CDK19: variants seen among roughly 807,000 people sequenced by gnomAD.
The protein encoded by CDK19 is cyclin dependent kinase 19, also known as cyclin-dependent kinase 19.
CDK19 carries 20 observed loss-of-function variants against 68.3 expected under a neutral mutation model. The observed-to-expected ratio is 0.29, with a 90% confidence interval of 0.21 to 0.43. The LOEUF (loss-of-function observed/expected upper bound fraction) is 0.43. Among genes scored for constraint, CDK19 ranks in the 20% least tolerant of loss-of-function variants. The pLI is 1.00. For synonymous variants in CDK19, 221 were observed against 222.8 expected (o/e 0.99, Z 0.07); for missense variants, 339 against 623.5 (o/e 0.54, Z 4.86).
At chr6:110,646,601 G>T in intron 4 of CDK19, 1 of 664,582 alleles carries the variant, frequency 1.5e-6, no homozygotes, top group East Asian at 3.2e-5. Flanking sequence ...ACGGCGGAGG[G>T]GGCGGGGAGG....
At position 110,622,932 on chromosome 6, in the gene CDK19, A is replaced by G; in HGVS notation, c.934-20T>C. On this transcript the variant is annotated intron_variant, in intron 9 of 12. Transcript: ENST00000368911. ...CTGAAGCTAGAGTGACACACAGGAA[A>G]TGTACAGCACATGAAAAGGTTATTT... is the stretch of plus-strand genomic sequence containing the variant. 7.1e-7 allele frequency: 1 copy of G among 1,416,282 alleles called. No homozygotes were observed. Among genetic ancestry groups the G allele is most frequent in the Non-Finnish European group, 1.0e-6 (1 of 999,222 alleles). 87.7% of individuals were successfully genotyped at this position (1,416,282 alleles called of 1,614,324 possible). A position where few individuals can be genotyped will look rare whatever the true frequency, so the allele number is the denominator to read the frequency against.
intron 2 of CDK19, among the ~76,000 whole-genome samples, chr6:110,719,465 A>C (rs1775656073): frequency 1.3e-5 from 2 of 152,320 alleles, no homozygotes; most frequent in African/African-American, 2.4e-5. Flanking sequence ...TGGAAGCTGC[A>C]GTAAGCCATG....
rs76075625 is a variant in CDK19, at chr6:110,785,968, G to A, written c.128+29041C>T. 0.025 allele frequency among the ~76,000 whole-genome samples: 3,633 copies of A among 147,646 alleles called. 366 individuals are homozygous for A. In the East Asian group the frequency reaches 0.36, roughly 15 times the overall value. ...GCACCCCACCCTGGGCAACAAGAGC[G>A]AAACTCCATCTCAAAAAAAAAAAAA... is the stretch of plus-strand genomic sequence containing the variant. On this transcript the variant is annotated intron_variant, in intron 1 of 12. Coordinates refer to ENST00000368911, the MANE Select transcript of CDK19 (RefSeq NM_015076.5).
chr6:110,795,745 A>G (rs1583120861), intron 1 of CDK19, among the ~76,000 whole-genome samples: 1 of 152,220 alleles, frequency 6.6e-6, no homozygotes, highest in East Asian at 1.9e-4. Context: ...TTATCAAAAT[A>G]TTAGGAAAAA....
rs186370926 is a variant in CDK19, at chr6:110,804,825, G to A, written c.128+10184C>T. 2.9e-3 allele frequency among the ~76,000 whole-genome samples: 445 copies of A among 151,568 alleles called. 2 individuals carry two copies. The highest frequency in any genetic ancestry group is 9.8e-3 in the African/African-American group (406 of 41,448). On this transcript the variant is annotated intron_variant, in intron 1 of 12. Transcript: ENST00000368911. ...AAAAAAATTAGCCGGGCGTGGTGGC[G>A]AGCGTCTGTAGTCCCAGCCACTCGG...
intron 1 of CDK19, among the ~76,000 whole-genome samples, chr6:110,797,200 C>T (rs1781997010): frequency 6.6e-6 from 1 of 151,820 alleles, no homozygotes; most frequent in Non-Finnish European, 1.5e-5. Context: ...ATTAGCCAGG[C>T]ACGGTGGCAG....
intron 4 of CDK19, chr6:110,646,345 T>TC: frequency 6.8e-7 from 1 of 1,465,666 alleles, no homozygotes; most frequent in East Asian, 2.5e-5. Context: ...GGCATGCACT[T>TC]CGAGTGCCTC....
Position 110,641,790 on chromosome 6 carries a change from G to T in CDK19, c.457-3084C>A, listed in dbSNP as rs549531812. ...TGAACATCAGAATAGTCTTTAGGAA[G>T]ATGACTCTGGATGACTTTAAGTGAG... On this transcript the variant is annotated intron_variant, in intron 4 of 12. Transcript: ENST00000368911. Among the ~76,000 whole-genome samples, 4 of 152,214 alleles carry T rather than the reference G, an allele frequency of 2.6e-5. No individual in the cohort carries two copies. In the South Asian group the frequency reaches 8.3e-4, roughly 32 times the overall value.
chr6:110,659,524 C>T (rs1300452442), intron 4 of CDK19, among the ~76,000 whole-genome samples: 5 of 152,168 alleles, frequency 3.3e-5, no homozygotes, highest in Non-Finnish European at 5.9e-5. Flanking sequence ...AATTTTTCTT[C>T]GCATTTTTGC....
At chr6:110,799,472 C>T (rs1782195595) in intron 1 of CDK19, among the ~76,000 whole-genome samples, 1 of 152,128 alleles carries the variant, frequency 6.6e-6, no homozygotes, top group Admixed American at 6.6e-5. Context: ...TTGCATATAA[C>T]CTATATGTAT....
At chr6:110,627,831 G>A (rs928229522) in intron 6 of CDK19, among the ~76,000 whole-genome samples, 2 of 152,142 alleles carry the variant, frequency 1.3e-5, no homozygotes, top group Non-Finnish European at 2.9e-5. Context: ...ACATGGTGAC[G>A]TAATTCTTTT....
At chr6:110,729,697 A>T (rs536411959) in intron 2 of CDK19, among the ~76,000 whole-genome samples, 16 of 150,860 alleles carry the variant, frequency 1.1e-4, no homozygotes, top group African/African-American at 3.9e-4. Context: ...CTGCCTCCCA[A>T]AGTGCTGGGA....
intron 2 of CDK19, among the ~76,000 whole-genome samples, chr6:110,723,151 CAAAA>C (rs34599467): frequency 7.6e-6 from 1 of 132,238 alleles, no homozygotes; most frequent in Admixed American, 8.0e-5. Flanking sequence ...AAACAAAAAA[CAAAA>C]AAAAAAACGC....
intron 1 of CDK19, among the ~76,000 whole-genome samples, chr6:110,760,333 T>A (rs1405471529): frequency 1.4e-5 from 2 of 144,126 alleles, no homozygotes; most frequent in Non-Finnish European, 1.5e-5. Context: ...AGAGGTGGAG[T>A]TTGCAGAGAG....
intron 2 of CDK19, among the ~76,000 whole-genome samples, chr6:110,703,876 T>C (rs1465664900): frequency 1.3e-5 from 2 of 152,150 alleles, no homozygotes; most frequent in Non-Finnish European, 2.9e-5. Flanking sequence ...TATATACATA[T>C]ATTTAGAATA....
intron 5 of CDK19, among the ~76,000 whole-genome samples, chr6:110,637,603 A>G (rs1200198162): frequency 1.3e-5 from 2 of 152,254 alleles, no homozygotes; most frequent in East Asian, 3.8e-4. Flanking sequence ...ATATTCTAAT[A>G]GCAAAGAAAC....
intron 4 of CDK19, among the ~76,000 whole-genome samples, chr6:110,656,724 T>G (rs1781328869): frequency 6.6e-6 from 1 of 152,226 alleles, no homozygotes; most frequent in Non-Finnish European, 1.5e-5. Context: ...GAGTAGTTAC[T>G]GGCCTGGACA....
At chr6:110,769,583 T>C (rs1053867168) in intron 1 of CDK19, among the ~76,000 whole-genome samples, 6 of 145,114 alleles carry the variant, frequency 4.1e-5, no homozygotes, top group Admixed American at 4.1e-4. Context: ...AAAAAAATAA[T>C]AATAATAATA....
rs573784640 is a variant in CDK19, at chr6:110,766,318, T to C, written c.129-20117A>G. 3.3e-5 allele frequency among the ~76,000 whole-genome samples: 5 copies of C among 152,314 alleles called. No individual in the cohort carries two copies. In the East Asian group the frequency reaches 9.6e-4, roughly 29 times the overall value. On this transcript the variant is annotated intron_variant, in intron 1 of 12. Coordinates refer to ENST00000368911, the MANE Select transcript of CDK19 (RefSeq NM_015076.5). ...GGCCAGGCATGGTGGCTCACACCTG[T>C]AATCCCAGCACTTTGGGAGGCCAAG...
Sources: gnomAD v4.1 joint callset for allele counts (sites outside exome capture counted in the v4.1 genomes callset) on GRCh38, gnomAD v4.1.1 for gene constraint, MANE v1.5 for transcripts, NCBI Gene and HGNC (gene_info 2026-07-23, HGNC 2026-07-21) for gene names.